The following MYOCD variants were observed in gnomAD, a reference collection of about 807,000 sequenced individuals.
MYOCD encodes myocardin.
Under a neutral mutation model 96.1 loss-of-function variants are expected in MYOCD, and 32 were observed. The ratio of observed to expected loss-of-function variants is 0.33; its 90% CI spans 0.25 to 0.45. The LOEUF (loss-of-function observed/expected upper bound fraction) is 0.45. Among genes scored for constraint, MYOCD ranks in the 20% least tolerant of loss-of-function variants. The pLI is 1.00. For synonymous variants in MYOCD, 469 were observed against 469.0 expected (o/e 1.00, Z 0.00); for missense variants, 1,133 against 1,200.6 (o/e 0.94, Z 0.83).
chr17:12,763,417 A>G lies in MYOCD; in HGVS notation c.2734A>G (p.Met912Val), dbSNP rs2150731380. The change falls in exon 14 of 14, where the codon ATG becomes GTG. Residue 912 changes from methionine (M) to valine (V), a missense_variant. Transcript: ENST00000425538. ...HEILPGPLSP[M>V]QTQFSPSSVD... ...GATCTTGCCAGGCCCCCTCTCTCCA[A>G]TGCAGACACAGTTTTCACCCTCTTC... 1 of 1,611,334 alleles carries G rather than the reference A, an allele frequency of 6.2e-7. No individual in the cohort carries two copies. The highest frequency in any genetic ancestry group is 8.5e-7 in the Non-Finnish European group (1 of 1,178,360).
At chr17:12,690,860 G>T (rs963069344) in intron 1 of MYOCD, among the ~76,000 whole-genome samples, 4 of 152,148 alleles carry the variant, frequency 2.6e-5, no homozygotes, top group Non-Finnish European at 5.9e-5. Context: ...ATCCAGCAAG[G>T]CTCTGGGAGC....
intron 1 of MYOCD, among the ~76,000 whole-genome samples, chr17:12,670,398 C>A (rs567367064): frequency 6.6e-6 from 1 of 152,142 alleles, no homozygotes; most frequent in Non-Finnish European, 1.5e-5. Context: ...CCTAAAAGGA[C>A]GACTGATTCC....
In MYOCD at chr17:12,739,270, C is replaced by A; in HGVS notation, c.659C>A (p.Ala220Glu). 1 of 1,608,700 alleles carries A rather than the reference C, an allele frequency of 6.2e-7. No individual in the cohort carries two copies. The highest frequency in any genetic ancestry group is 8.5e-7 in the Non-Finnish European group (1 of 1,177,918). The change falls in exon 7 of 14, where the codon GCG (alanine) becomes GAG (glutamate). Residue 220 changes from alanine to glutamate, a missense_variant. By Grantham distance (107) the Ala-to-Glu change is moderately radical. Transcript: ENST00000425538. ...SASQPSHQSD[A>E]GKQGLGPPST... ...TCACAGCCCAGCCACCAGTCAGATG[C>A]GGGGAAGCAGGGGCTTGGCCCCCCC... is the stretch of plus-strand genomic sequence containing the variant.
At chr17:12,671,170 C>T (rs1909687849) in intron 1 of MYOCD, among the ~76,000 whole-genome samples, 1 of 152,204 alleles carries the variant, frequency 6.6e-6, no homozygotes, top group African/African-American at 2.4e-5. Context: ...TCTCTAGCAC[C>T]TAACATAGTT....
intron 5 of MYOCD, among the ~76,000 whole-genome samples, chr17:12,734,763 C>A (rs1225286323): frequency 6.6e-6 from 1 of 152,140 alleles, no homozygotes; most frequent in East Asian, 1.9e-4. Context: ...CCTGCCTCGG[C>A]CTCCCAAAGT....
intron 1 of MYOCD, among the ~76,000 whole-genome samples, chr17:12,672,541 T>C (rs897958569): frequency 6.6e-6 from 1 of 152,336 alleles, no homozygotes; most frequent in African/African-American, 2.4e-5. Context: ...AATGTATCAT[T>C]TATCCCCAGA....
intron 2 of MYOCD, among the ~76,000 whole-genome samples, chr17:12,710,707 C>T (rs76159933): frequency 5.9e-5 from 9 of 152,108 alleles, no homozygotes; most frequent in African/African-American, 2.2e-4. Context: ...CCCACAGCAC[C>T]CTACCACACA....
intron 1 of MYOCD, among the ~76,000 whole-genome samples, chr17:12,676,867 C>CT (rs1377204177): frequency 2.6e-5 from 4 of 152,148 alleles, no homozygotes; most frequent in Non-Finnish European, 5.9e-5. Flanking sequence ...CGAGTGCATG[C>CT]TTTTAAGCTC....
rs1394360964 is a variant in MYOCD, at chr17:12,745,981, C to G, written c.1034C>G (p.Pro345Arg). The G allele has an allele frequency of 6.2e-7, 1 of 1,614,084 alleles. No individual in the cohort carries two copies. The highest frequency in any genetic ancestry group is 1.3e-5 in the African/African-American group (1 of 74,920). The change falls in exon 9 of 14, where the codon CCC becomes CGC. Residue 345 changes from proline to arginine, a missense_variant. Pro to Arg is a moderately radical substitution (Grantham distance 103). Coordinates refer to ENST00000425538, the MANE Select transcript of MYOCD (RefSeq NM_001146312.3). ...TCTTCAACGCCACTGAGCAATACCC[C>G]CTTGTCTCCTGTCAAAAACAGTTTT... is the stretch of plus-strand genomic sequence containing the variant. ...NSSSTPLSNT[P>R]LSPVKNSFSG...
chr17:12,734,005 T>G (rs998917353), intron 5 of MYOCD, among the ~76,000 whole-genome samples: 1 of 152,186 alleles, frequency 6.6e-6, no homozygotes, highest in African/African-American at 2.4e-5. Flanking sequence ...CTATTTTTAT[T>G]ATTTGCTCTC....
At chr17:12,739,353 C>A in intron 7 of MYOCD, 25 bp downstream of exon 7, 2 of 1,511,550 alleles carry the variant, frequency 1.3e-6, no homozygotes, top group Non-Finnish European at 1.8e-6. Context: ...GCCTCCAAGC[C>A]CTGCCTGAGC....
At chr17:12,730,023 T>G (rs1354230777) in intron 5 of MYOCD, among the ~76,000 whole-genome samples, 1 of 152,116 alleles carries the variant, frequency 6.6e-6, no homozygotes, top group African/African-American at 2.4e-5. Context: ...GGTGCATGCC[T>G]GTAGTCCTAG....
intron 1 of MYOCD, among the ~76,000 whole-genome samples, chr17:12,666,756 G>GA (rs969557871): frequency 2.5e-4 from 37 of 150,790 alleles, no homozygotes; most frequent in African/African-American, 6.6e-4. Context: ...CATCACTGTA[G>GA]AAAAAAAAAG....
chr17:12,693,708 A>T (rs563778821), intron 1 of MYOCD, among the ~76,000 whole-genome samples: 1 of 151,026 alleles, frequency 6.6e-6, no homozygotes, highest in South Asian at 2.1e-4. Context: ...CAGACATGAA[A>T]ATATATATCA....
intron 1 of MYOCD, among the ~76,000 whole-genome samples, chr17:12,674,782 GAT>G (rs1480676375): frequency 6.6e-6 from 1 of 152,168 alleles, no homozygotes; most frequent in Non-Finnish European, 1.5e-5. Context: ...GATATTTTAT[GAT>G]ATACCTTAAA....
chr17:12,698,769 G>A (rs1247959894), intron 1 of MYOCD, among the ~76,000 whole-genome samples: 2 of 100,710 alleles, frequency 2.0e-5, no homozygotes, highest in Non-Finnish European at 3.5e-5. Flanking sequence ...GTGAGACAGA[G>A]TCTGGCTCTG....
intron 1 of MYOCD, among the ~76,000 whole-genome samples, chr17:12,699,276 C>T (rs886628463): frequency 6.6e-6 from 1 of 152,114 alleles, no homozygotes; most frequent in Non-Finnish European, 1.5e-5. Context: ...AGACATGCAC[C>T]ACCATGCCCT....
chr17:12,673,805 G>A (rs1909851930), intron 1 of MYOCD, among the ~76,000 whole-genome samples: 1 of 152,070 alleles, frequency 6.6e-6, no homozygotes, highest in Non-Finnish European at 1.5e-5. Flanking sequence ...TTAACTTTAG[G>A]CCTATTTCTA....
chr17:12,724,806 CTTCACA>C (rs2031948765), intron 5 of MYOCD, among the ~76,000 whole-genome samples: 1 of 151,952 alleles, frequency 6.6e-6, no homozygotes. Context: ...TAATATCTGT[CTTCACA>C]AGTTTCTTTA....
Sources: gnomAD v4.1 joint callset for allele counts (sites outside exome capture counted in the v4.1 genomes callset) on GRCh38, gnomAD v4.1.1 for gene constraint, MANE v1.5 for transcripts, NCBI Gene and HGNC (gene_info 2026-07-23, HGNC 2026-07-21) for gene names.